NRXN3: variants seen among roughly 807,000 people sequenced by gnomAD.
The protein encoded by NRXN3 is neurexin 3.
In NRXN3, 32 loss-of-function variants were observed where a neutral mutation model predicts 137.6. The observed-to-expected ratio is 0.23, with a 90% CI of 0.18 to 0.31. The LOEUF is 0.31. Ranked by LOEUF, NRXN3 falls within the 10% of genes least tolerant of loss-of-function variation. The pLI is 1.00. For synonymous variants in NRXN3, 798 were observed against 784.5 expected, an observed-to-expected ratio of 1.02 and a Z score of -0.29; for missense variants, 1,574 against 2,062.5, an observed-to-expected ratio of 0.76 and a Z score of 4.59.
intron 15 of NRXN3, among the ~76,000 whole-genome samples, chr14:79,335,890 C>T (rs958558673): frequency 7.9e-5 from 12 of 152,124 alleles, no homozygotes; most frequent in African/African-American, 1.7e-4. Flanking sequence ...GCATTAACTA[C>T]GTTATAATGC....
intron 10 of NRXN3, among the ~76,000 whole-genome samples, chr14:78,888,463 A>G (rs1446288581): frequency 6.6e-6 from 1 of 152,060 alleles, no homozygotes; most frequent in East Asian, 1.9e-4. Flanking sequence ...CCTAGAAACA[A>G]TGTAAGACAA....
intron 10 of NRXN3, among the ~76,000 whole-genome samples, chr14:78,857,644 G>C (rs1367371938): frequency 2.6e-5 from 4 of 152,220 alleles, no homozygotes; most frequent in Non-Finnish European, 5.9e-5. Flanking sequence ...AGTGTAAAGA[G>C]GGAAGGAAAA....
At chr14:79,103,798 T>C (rs2051818425) in intron 15 of NRXN3, among the ~76,000 whole-genome samples, 1 of 152,220 alleles carries the variant, frequency 6.6e-6, no homozygotes, top group Admixed American at 6.5e-5. Context: ...AGTTCTCAAA[T>C]GTATATGTGA....
intron 1 of NRXN3, among the ~76,000 whole-genome samples, chr14:78,207,144 G>A (rs917452670): frequency 2.6e-5 from 4 of 152,160 alleles, no homozygotes; most frequent in African/African-American, 9.7e-5. Context: ...GATTACAGGT[G>A]TGAACCACCG....
At chr14:79,634,355 C>A (rs1339175523) in intron 16 of NRXN3, among the ~76,000 whole-genome samples, 1 of 152,094 alleles carries the variant, frequency 6.6e-6, no homozygotes, top group Non-Finnish European at 1.5e-5. Context: ...CTCTTGCAAC[C>A]TTTCCAATAG....
intron 16 of NRXN3, among the ~76,000 whole-genome samples, chr14:79,469,400 C>T (rs2096470115): frequency 6.6e-6 from 1 of 152,114 alleles, no homozygotes; most frequent in Admixed American, 6.5e-5. Flanking sequence ...CATTATAAAG[C>T]TCTGTCATTT....
intron 16 of NRXN3, among the ~76,000 whole-genome samples, chr14:79,653,614 A>G (rs1290646486): frequency 6.6e-6 from 1 of 152,210 alleles, no homozygotes; most frequent in South Asian, 2.1e-4. Context: ...TGATTTTAGT[A>G]TATAAACCAC....
At chr14:79,409,042 G>A (rs2095366066) in intron 15 of NRXN3, among the ~76,000 whole-genome samples, 2 of 152,000 alleles carry the variant, frequency 1.3e-5, no homozygotes, top group South Asian at 4.1e-4. Flanking sequence ...CAAGTAATTA[G>A]ATCATATTAT....
At chr14:79,056,094 A>G (rs990351341) in intron 15 of NRXN3, among the ~76,000 whole-genome samples, 5 of 152,228 alleles carry the variant, frequency 3.3e-5, no homozygotes, top group African/African-American at 4.8e-5. Flanking sequence ...CAGGTGGCAA[A>G]TGATGGTAGT....
intron 4 of NRXN3, among the ~76,000 whole-genome samples, chr14:78,376,530 A>G (rs187807597): frequency 6.6e-6 from 1 of 152,210 alleles, no homozygotes; most frequent in Non-Finnish European, 1.5e-5. Flanking sequence ...AGACTCTGAA[A>G]CATGAGAGGG....
At chr14:78,560,370 G>T (rs889962220) in intron 4 of NRXN3, among the ~76,000 whole-genome samples, 3 of 152,208 alleles carry the variant, frequency 2.0e-5, no homozygotes, top group Non-Finnish European at 4.4e-5. Context: ...GAAATTTCCA[G>T]AACTACAAAC....
At chr14:78,170,807 G>A (rs1236266323) in intron 1 of NRXN3, 133 bp downstream of exon 1, 1 of 152,094 alleles carries the variant, frequency 6.6e-6, no homozygotes, top group East Asian at 1.9e-4. Flanking sequence ...TTTCTTTTTT[G>A]AATACTGTAT....
intron 1 of NRXN3, among the ~76,000 whole-genome samples, chr14:78,181,312 G>A (rs1285681120): frequency 2.0e-5 from 3 of 152,340 alleles, no homozygotes; most frequent in South Asian, 2.1e-4. Context: ...GAATCTGCAT[G>A]ATAAGCAAGC....
At chr14:79,349,531 C>T (rs1409130271) in intron 15 of NRXN3, among the ~76,000 whole-genome samples, 2 of 140,026 alleles carry the variant, frequency 1.4e-5, no homozygotes, top group African/African-American at 5.8e-5. Context: ...TCCGTCCTCC[C>T]CGGGAAAAAA....
chr14:79,823,080 A>G (rs908129903), intron 20 of NRXN3, among the ~76,000 whole-genome samples: 2 of 152,204 alleles, frequency 1.3e-5, no homozygotes, highest in Non-Finnish European at 2.9e-5. Flanking sequence ...GTGTCAAGAG[A>G]AAGTCAAATA....
intron 16 of NRXN3, among the ~76,000 whole-genome samples, chr14:79,662,397 T>C (rs898299648): frequency 3.3e-5 from 5 of 152,146 alleles, no homozygotes; most frequent in Non-Finnish European, 7.4e-5. Context: ...ATTTATTTCA[T>C]GTCTCATTGT....
chr14:78,724,621 G>A (rs2098474862), intron 8 of NRXN3, among the ~76,000 whole-genome samples: 1 of 152,132 alleles, frequency 6.6e-6, no homozygotes, highest in South Asian at 2.1e-4. Context: ...ATGCATCTGT[G>A]CATCTGTGCA....
At chr14:79,014,989 G>A (rs2099576915) in intron 15 of NRXN3, among the ~76,000 whole-genome samples, 1 of 152,092 alleles carries the variant, frequency 6.6e-6, no homozygotes, top group African/African-American at 2.4e-5. Context: ...CCCTCTGTCA[G>A]CCCAGCACCT....
At chr14:78,238,308 G>A (rs2066610736) in intron 1 of NRXN3, among the ~76,000 whole-genome samples, 1 of 152,254 alleles carries the variant, frequency 6.6e-6, no homozygotes, top group African/African-American at 2.4e-5. Context: ...ACACAACAGA[G>A]AAGTGTTCTG....
Sources: gnomAD v4.1 joint callset for allele counts (sites outside exome capture counted in the v4.1 genomes callset) on GRCh38, gnomAD v4.1.1 for gene constraint, MANE v1.5 for transcripts, NCBI Gene and HGNC (gene_info 2026-07-23, HGNC 2026-07-21) for gene names.